The following SLC51A variants were observed in gnomAD, a reference collection of about 807,000 sequenced individuals.
SLC51A encodes the protein organic solute transporter subunit alpha.
Under a neutral mutation model 34.8 loss-of-function variants are expected in SLC51A, and 22 were observed. The observed-to-expected ratio is 0.63, with a 90% CI of 0.45 to 0.90. The LOEUF is 0.90. Among genes scored for constraint, SLC51A ranks in the 40% least tolerant of loss-of-function variants. The probability of loss-of-function intolerance (pLI) is 0.00; values close to 1 mark genes in which losing one functional copy is unlikely to be tolerated. For missense variants in SLC51A, 371 were observed against 414.8 expected (o/e 0.89, Z 0.92); for synonymous variants, 181 against 176.3 (o/e 1.03, Z -0.21).
rs762317922 is a variant in SLC51A at position 196,226,991 on chromosome 3, A to G, written c.160A>G (p.Thr54Ala). The G allele has an allele frequency of 6.2e-6, 10 of 1,613,742 alleles. No homozygotes were observed. Among genetic ancestry groups the G allele is most frequent in the Admixed American group, 1.7e-5 (1 of 59,980 alleles). ...CCTGGGCCCTGTGGAACTTGCCCTCACTAGCATCCTGACCTTGCTGGCGCT... is the reference window on the plus strand; with the variant it reads ...CCTGGGCCCTGTGGAACTTGCCCTCGCTAGCATCCTGACCTTGCTGGCGCT... ...RALGPVELALTSILTLLALGS... is the reference protein window; with the variant it reads ...RALGPVELALASILTLLALGS... The change falls in exon 3 of 9, where the codon ACT becomes GCT. Residue 54 changes from threonine to alanine, a missense_variant. Coordinates refer to ENST00000296327, the MANE Select transcript of SLC51A (RefSeq NM_152672.6).
chr3:196,218,802 G>A (rs193006518), intron 2 of SLC51A, among the ~76,000 whole-genome samples: 1 of 151,944 alleles, frequency 6.6e-6, no homozygotes, highest in East Asian at 1.9e-4. Flanking sequence ...TCTCTGTTTT[G>A]CAGCTTCCCT....
rs1723923791 is a variant in SLC51A at position 196,227,357 on chromosome 3, G to A, written c.288+238G>A. 5 of 592,960 alleles carry A rather than the reference G, an allele frequency of 8.4e-6. No individual in the cohort carries two copies. In the Admixed American group the frequency reaches 9.0e-5, roughly 11 times the overall value. 36.7% of individuals were successfully genotyped at this position (592,960 alleles called of 1,614,324 possible). A position where few individuals can be genotyped will look rare whatever the true frequency, so the allele number is the denominator to read the frequency against. On this transcript the variant is annotated intron_variant, in intron 3 of 8. Coordinates refer to ENST00000296327, the MANE Select transcript of SLC51A (RefSeq NM_152672.6). ...TGGAGATCTGCTCAGCCCACCAGCC[G>A]CCTCATCCTTGCTCCCCGCTACAGT...
rs1724068093 is a variant in SLC51A at position 196,233,291 on chromosome 3, C to T, written c.*92C>T. 7.1e-7 allele frequency: 1 copy of T among 1,403,248 alleles called. No homozygotes were observed. The highest frequency in any genetic ancestry group is 9.7e-7 in the Non-Finnish European group (1 of 1,027,340). The allele number at this position is 1,403,248 out of a possible 1,614,324, so 86.9% of individuals were successfully genotyped here. A position where few individuals can be genotyped will look rare whatever the true frequency, so the allele number is the denominator to read the frequency against. On this transcript the variant is annotated 3_prime_UTR_variant, in exon 9 of 9. Transcript: ENST00000296327. ...CAACCTTGACCAAATGGGAAGCATT[C>T]CCCCTTGTCAACACAAGCTGGCAGA...
At chr3:196,218,154 C>A (rs1458330412) in intron 2 of SLC51A, among the ~76,000 whole-genome samples, 1 of 152,198 alleles carries the variant, frequency 6.6e-6, no homozygotes, top group Non-Finnish European at 1.5e-5. Context: ...GGAGAGCAAC[C>A]GTCATGTTGG....
chr3:196,231,644 A>C (rs1348095889), intron 7 of SLC51A, among the ~76,000 whole-genome samples: 1 of 152,190 alleles, frequency 6.6e-6, no homozygotes, highest in Non-Finnish European at 1.5e-5. Flanking sequence ...GAAGTACTTG[A>C]GACCAGGCCG....
At chr3:196,231,542 A>G (rs1327913591) in intron 7 of SLC51A, among the ~76,000 whole-genome samples, 1 of 152,194 alleles carries the variant, frequency 6.6e-6, no homozygotes, top group African/African-American at 2.4e-5. Flanking sequence ...TTCCAGGCAC[A>G]TAGGAGGTAG....
chr3:196,230,013 G>A lies in SLC51A; in HGVS notation c.732G>A (p.Arg244=). The part of the protein sequence containing the change: ...WTLGIISRQA[R]LHLGEQNMGA... ...TGGGCATCATTTCCCGTCAAGCCAG[G>A]CTACACCTGGGTGAGCAGAACATGG... Residue 244 remains arginine (R), a synonymous_variant, in exon 7 of 9, where the codon AGG becomes AGA. Coordinates refer to ENST00000296327, the MANE Select transcript of SLC51A (RefSeq NM_152672.6). 1 of 1,613,846 alleles carries A rather than the reference G, an allele frequency of 6.2e-7. No individual in the cohort carries two copies. Among genetic ancestry groups the A allele is most frequent in the South Asian group, 1.1e-5 (1 of 91,028 alleles).
chr3:196,225,689 G>A (rs933698526), intron 2 of SLC51A: 4 of 152,178 alleles, frequency 2.6e-5, no homozygotes, highest in East Asian at 3.8e-4. Flanking sequence ...ACGTTTGTTC[G>A]GAAACACATA....
intron 3 of SLC51A, chr3:196,227,417 CAG>C: frequency 1.7e-6 from 1 of 593,276 alleles, no homozygotes; most frequent in Non-Finnish European, 3.0e-6. Flanking sequence ...AGTGGTTCCT[CAG>C]AGTGTGGGGG....
At chr3:196,227,394 A>C in intron 3 of SLC51A, 1 of 590,272 alleles carries the variant, frequency 1.7e-6, no homozygotes, top group Non-Finnish European at 3.0e-6. Flanking sequence ...TTGCCACTTG[A>C]AGAGCTTCCT....
At chr3:196,217,003 G>T (rs1052983602) in intron 1 of SLC51A, among the ~76,000 whole-genome samples, 1 of 152,218 alleles carries the variant, frequency 6.6e-6, no homozygotes. Flanking sequence ...GAAGGCATTC[G>T]CAGAGGAAAT....
chr3:196,222,002 GC>G (rs955662891), intron 2 of SLC51A, among the ~76,000 whole-genome samples: 1 of 151,820 alleles, frequency 6.6e-6, no homozygotes, highest in African/African-American at 2.4e-5. Context: ...ACAGGCGTGA[GC>G]CCCCCCGCCC....
intron 2 of SLC51A, 39 bp downstream of exon 2, chr3:196,217,975 GA>G (rs759239079): frequency 2.3e-5 from 37 of 1,576,882 alleles, no homozygotes; most frequent in Non-Finnish European, 2.9e-5. Flanking sequence ...TGAGAGGAGG[GA>G]AACCAGGATA....
At chr3:196,226,188 G>C (rs533452977) in intron 2 of SLC51A, among the ~76,000 whole-genome samples, 1 of 152,210 alleles carries the variant, frequency 6.6e-6, no homozygotes, top group Non-Finnish European at 1.5e-5. Flanking sequence ...CGTGGTGGGG[G>C]TGCACACCTG....
chr3:196,224,774 G>A (rs1163895873), intron 2 of SLC51A, among the ~76,000 whole-genome samples: 1 of 131,000 alleles, frequency 7.6e-6, no homozygotes, highest in African/African-American at 2.8e-5. Context: ...GGAGGGGAGG[G>A]GAGGGGAGGA....
At chr3:196,232,323 G>A in intron 7 of SLC51A, 96 bp from the exon 8 acceptor site, 1 of 864,648 alleles carries the variant, frequency 1.2e-6, no homozygotes. Flanking sequence ...GGTGGAACCT[G>A]CCCAGCGGAA....
In SLC51A at chr3:196,217,842, G is replaced by T; in HGVS notation, c.39G>T (p.Arg13Ser). 1 of 1,613,386 alleles carries T rather than the reference G, an allele frequency of 6.2e-7. No homozygotes were observed. The change falls in exon 2 of 9, where the codon AGG becomes AGT. Residue 13 changes from arginine to serine, a missense_variant and splice_region_variant. Physicochemically the swap from Arg to Ser is moderately radical, Grantham distance 110. Coordinates refer to ENST00000296327, the MANE Select transcript of SLC51A (RefSeq NM_152672.6). ...PGRTQIKLDP[R>S]YTADLLEVLK... is the part of the protein sequence containing the mutation. ...TGAGCACAGGCTGGTGTCTCGCCAGGTACACAGCAGATCTTCTGGAGGTGC... is the reference window on the plus strand; with the variant it reads ...TGAGCACAGGCTGGTGTCTCGCCAGTTACACAGCAGATCTTCTGGAGGTGC...
chr3:196,228,752 G>T lies in SLC51A; in HGVS notation c.522-57G>T. On this transcript the variant is annotated intron_variant, in intron 5 of 8. Coordinates refer to ENST00000296327, the MANE Select transcript of SLC51A (RefSeq NM_152672.6). This position sits in a 1 kb window ranked among gnomAD's most constrained non-coding sequence, Gnocchi z 4.9. The stretch of plus-strand genomic sequence containing the variant: ...CAGGAGCCCTGTGAGGAGCCGGGGC[G>T]TCTTCCTGGGGCAGGGGGTTTGTGG... 2.7e-6 allele frequency: 4 copies of T among 1,477,198 alleles called. No homozygotes were observed. In the South Asian group the frequency reaches 4.5e-5, roughly 17 times the overall value. 91.5% of individuals were successfully genotyped at this position (1,477,198 alleles called of 1,614,324 possible).
chr3:196,229,971 G>A lies in SLC51A; in HGVS notation c.690G>A (p.Leu230=). 1 of 1,613,846 alleles carries A rather than the reference G, an allele frequency of 6.2e-7. No individual in the cohort carries two copies. Among genetic ancestry groups the A allele is most frequent in the Non-Finnish European group, 8.5e-7 (1 of 1,179,850 alleles). The part of the protein sequence containing the change: ...WINTFLGVST[L]LALWTLGIIS... ...ACACTTTCCTTGGCGTGTCCACACTGCTGGCTCTCTGGACCCTGGGCATCA... is the reference window on the plus strand; with the variant it reads ...ACACTTTCCTTGGCGTGTCCACACTACTGGCTCTCTGGACCCTGGGCATCA... Residue 230 remains leucine, a synonymous_variant, in exon 7 of 9, where the codon CTG becomes CTA. Transcript: ENST00000296327.
Sources: gnomAD v4.1 joint callset for allele counts (sites outside exome capture counted in the v4.1 genomes callset) on GRCh38, gnomAD v4.1.1 for gene constraint, Gnocchi (gnomAD v3.1) non-coding constraint, MANE v1.5 for transcripts, NCBI Gene and HGNC (gene_info 2026-07-23, HGNC 2026-07-21) for gene names.